ZNF277: variants seen among roughly 807,000 people sequenced by gnomAD.
ZNF277 encodes zinc finger protein 277, also known as nuclear receptor-interacting factor 4.
ZNF277 carries 55 observed loss-of-function variants against 60.7 expected under a neutral mutation model. The observed-to-expected ratio is 0.91, with a 90% CI of 0.73 to 1.13. The LOEUF (loss-of-function observed/expected upper bound fraction) is 1.13, where lower values mean the gene tolerates loss of function less well. ZNF277 is among the 50% of genes most tolerant of loss of function. The pLI is 0.00. For synonymous variants in ZNF277, 178 were observed against 179.3 expected (o/e 0.99, Z 0.06); for missense variants, 510 against 523.0 (o/e 0.98, Z 0.24).
intron 4 of ZNF277, among the ~76,000 whole-genome samples, chr7:112,298,660 G>C (rs188483189): frequency 6.6e-6 from 1 of 152,170 alleles, no homozygotes; most frequent in Non-Finnish European, 1.5e-5. Flanking sequence ...AGAAAGACTA[G>C]ACCAACTTGG....
chr7:112,211,026 T>C (rs965709261), intron 1 of ZNF277, among the ~76,000 whole-genome samples: 2 of 152,250 alleles, frequency 1.3e-5, no homozygotes, highest in Admixed American at 6.5e-5. Flanking sequence ...TGTAATATTC[T>C]GTCAAAGTCA....
intron 1 of ZNF277, among the ~76,000 whole-genome samples, chr7:112,253,626 T>G (rs1791243115): frequency 6.6e-6 from 1 of 152,126 alleles, no homozygotes; most frequent in African/African-American, 2.4e-5. Context: ...ATCCTTCCCA[T>G]GTAGCCCCCA....
intron 1 of ZNF277, among the ~76,000 whole-genome samples, chr7:112,230,505 T>A (rs1159757955): frequency 6.6e-6 from 1 of 152,344 alleles, no homozygotes; most frequent in East Asian, 1.9e-4. Flanking sequence ...AGAACAGAGA[T>A]AACTGAGGAT....
intron 1 of ZNF277, among the ~76,000 whole-genome samples, chr7:112,265,819 G>T (rs562768888): frequency 6.6e-6 from 1 of 152,022 alleles, no homozygotes; most frequent in African/African-American, 2.4e-5. Context: ...ACACTATAAG[G>T]GTTAGTCAAA....
intron 1 of ZNF277, among the ~76,000 whole-genome samples, chr7:112,259,542 G>C (rs1791397199): frequency 6.6e-6 from 1 of 152,140 alleles, no homozygotes. Context: ...GGTTACTTAA[G>C]AGCGCTTAAT....
At position 112,244,953 on chromosome 7, in the gene ZNF277, T is replaced by A. The variant is rs74406375; in HGVS notation, c.91+38146T>A. Among the ~76,000 whole-genome samples, 1,394 of 152,288 alleles carry A rather than the reference T, an allele frequency of 9.2e-3. 17 individuals are homozygous for A. Among genetic ancestry groups the A allele is most frequent in the African/African-American group, 0.032 (1,310 of 41,564 alleles). ...ATGAAATGTAATGTGTTCCACCCTT[T>A]GTTAACTAGGAAAAGTAGCACAAAT... On this transcript the variant is annotated intron_variant, in intron 1 of 11. Coordinates refer to ENST00000361822, the MANE Select transcript of ZNF277 (RefSeq NM_021994.3).
In ZNF277 at chr7:112,333,930, C is replaced by A. The variant is rs1793277982; in HGVS notation, c.802-2174C>A. On this transcript the variant is annotated intron_variant, in intron 7 of 11. Coordinates refer to ENST00000361822, the MANE Select transcript of ZNF277 (RefSeq NM_021994.3). The stretch of plus-strand genomic sequence containing the variant: ...GGCAACAGACTGTTTAACATCGAGG[C>A]TTCAGCTACATATTCCTACGATGCT... Among the ~76,000 whole-genome samples, 3 of 152,282 alleles carry A rather than the reference C, an allele frequency of 2.0e-5. No homozygotes were observed. In the South Asian group the frequency reaches 6.2e-4, roughly 32 times the overall value.
chr7:112,308,069 T>C (rs956868230), intron 4 of ZNF277, among the ~76,000 whole-genome samples: 20 of 152,064 alleles, frequency 1.3e-4, no homozygotes, highest in Non-Finnish European at 2.5e-4. Flanking sequence ...TATTTGGTTA[T>C]CTTCATATCC....
At chr7:112,286,627 C>T (rs969704651) in intron 1 of ZNF277, among the ~76,000 whole-genome samples, 3 of 152,086 alleles carry the variant, frequency 2.0e-5, no homozygotes, top group Non-Finnish European at 4.4e-5. Context: ...AAATGGGTTT[C>T]CCCCATTCAA....
intron 1 of ZNF277, among the ~76,000 whole-genome samples, chr7:112,268,913 T>G (rs929044646): frequency 6.6e-6 from 1 of 152,098 alleles, no homozygotes; most frequent in African/African-American, 2.4e-5. Context: ...TTTGAGGAGT[T>G]TCTTCACTTT....
intron 2 of ZNF277, 187 bp downstream of exon 2, chr7:112,287,261 G>C: frequency 1.7e-6 from 1 of 598,514 alleles, no homozygotes; most frequent in Non-Finnish European, 2.9e-6. Flanking sequence ...TGTAGTTCCA[G>C]CTACTTGGGA....
intron 1 of ZNF277, among the ~76,000 whole-genome samples, chr7:112,251,638 T>C (rs566081571): frequency 3.7e-4 from 57 of 152,332 alleles, no homozygotes; most frequent in African/African-American, 1.4e-3. Flanking sequence ...TATTCTTTAC[T>C]AGTGATACCC....
intron 1 of ZNF277, among the ~76,000 whole-genome samples, chr7:112,236,082 C>T (rs982738210): frequency 1.3e-5 from 2 of 151,960 alleles, no homozygotes; most frequent in Non-Finnish European, 2.9e-5. Flanking sequence ...GAATTCTCTA[C>T]CATTGATCTA....
chr7:112,270,944 C>T (rs1033855029), intron 1 of ZNF277, among the ~76,000 whole-genome samples: 2 of 114,304 alleles, frequency 1.7e-5, no homozygotes, highest in African/African-American at 7.3e-5. Context: ...CATATCCCAG[C>T]CATACATTAG....
intron 1 of ZNF277, among the ~76,000 whole-genome samples, chr7:112,219,898 A>G (rs1016129867): frequency 1.2e-4 from 18 of 152,206 alleles, no homozygotes; most frequent in African/African-American, 3.9e-4. Context: ...TGGCCTCCCA[A>G]AGTGTTGAGA....
chr7:112,270,157 C>G (rs1791636596), intron 1 of ZNF277, among the ~76,000 whole-genome samples: 1 of 152,048 alleles, frequency 6.6e-6, no homozygotes, highest in South Asian at 2.1e-4. Context: ...GGATTTGCAC[C>G]CACAATCGTA....
At chr7:112,302,154 A>C (rs1356393152) in intron 4 of ZNF277, among the ~76,000 whole-genome samples, 3 of 152,096 alleles carry the variant, frequency 2.0e-5, no homozygotes, top group African/African-American at 7.2e-5. Flanking sequence ...GATATCATTC[A>C]TGACAACTAC....
intron 1 of ZNF277, among the ~76,000 whole-genome samples, chr7:112,257,618 C>T (rs976802106): frequency 3.9e-5 from 6 of 151,990 alleles, no homozygotes; most frequent in African/African-American, 1.2e-4. Flanking sequence ...TTTATTTAAT[C>T]GTGACCACTT....
intron 1 of ZNF277, among the ~76,000 whole-genome samples, chr7:112,266,510 C>A (rs1163318382): frequency 6.6e-6 from 1 of 151,944 alleles, no homozygotes; most frequent in Non-Finnish European, 1.5e-5. Context: ...TAACATTGGT[C>A]CAGGGTTGTC....
Sources: allele counts gnomAD v4.1 joint callset (sites outside exome capture counted in the v4.1 genomes callset), GRCh38; gene constraint gnomAD v4.1.1; transcripts MANE v1.5; gene names NCBI Gene and HGNC (gene_info 2026-07-23, HGNC 2026-07-21).